EPHA5: variants seen among roughly 807,000 people sequenced by gnomAD.
The protein encoded by EPHA5 is ephrin type-A receptor 5.
In EPHA5, 60 loss-of-function variants were observed where a neutral mutation model predicts 105.0. The ratio of observed to expected loss-of-function variants is 0.57; its 90% CI spans 0.46 to 0.71. The LOEUF (loss-of-function observed/expected upper bound fraction) is 0.71. Ranked by LOEUF, EPHA5 falls within the 30% of genes least tolerant of loss-of-function variation. The probability of loss-of-function intolerance (pLI) is 0.00; values close to 1 mark genes in which losing one functional copy is unlikely to be tolerated. For missense variants in EPHA5, 1,218 were observed against 1,274.7 expected (o/e 0.96, Z 0.68); for synonymous variants, 513 against 449.1 (o/e 1.14, Z -1.80).
At chr4:65,483,430 C>T (rs1483254204) in intron 5 of EPHA5, among the ~76,000 whole-genome samples, 7 of 151,834 alleles carry the variant, frequency 4.6e-5, no homozygotes, top group Admixed American at 3.3e-4. Context: ...CCTGAGGAAT[C>T]GCCACACTGA....
intron 2 of EPHA5, among the ~76,000 whole-genome samples, chr4:65,609,098 C>T (rs1421813819): frequency 6.6e-6 from 1 of 152,070 alleles, no homozygotes; most frequent in Non-Finnish European, 1.5e-5. Context: ...GCAACAGAAG[C>T]ATCTCTATTT....
intron 1 of EPHA5, among the ~76,000 whole-genome samples, chr4:65,669,158 A>T (rs1383007616): frequency 6.6e-6 from 1 of 151,974 alleles, no homozygotes; most frequent in Non-Finnish European, 1.5e-5. Context: ...GATCCTTGTC[A>T]CTGAGCTTCC....
At chr4:65,360,855 C>G (rs1264414054) in intron 11 of EPHA5, among the ~76,000 whole-genome samples, 1 of 151,168 alleles carries the variant, frequency 6.6e-6, no homozygotes, top group Non-Finnish European at 1.5e-5. Flanking sequence ...ATGTGTCTGG[C>G]CCTTTGCTAG....
chr4:65,541,789 A>G (rs1421774626), intron 3 of EPHA5, among the ~76,000 whole-genome samples: 1 of 152,040 alleles, frequency 6.6e-6, no homozygotes, highest in Admixed American at 6.6e-5. Context: ...AACAGAATAT[A>G]CATTCTTCTC....
chr4:65,644,437 G>A (rs767653691), intron 1 of EPHA5, among the ~76,000 whole-genome samples: 39 of 152,030 alleles, frequency 2.6e-4, no homozygotes, highest in Non-Finnish European at 1.0e-4. Flanking sequence ...ATATGAACCT[G>A]AAAGGGAAAC....
intron 5 of EPHA5, among the ~76,000 whole-genome samples, chr4:65,458,958 G>A (rs968754032): frequency 6.6e-6 from 1 of 151,926 alleles, no homozygotes; most frequent in East Asian, 1.9e-4. Flanking sequence ...TTAATTTTAA[G>A]TGCTTAGTCA....
At position 65,570,557 on chromosome 4, in the gene EPHA5, A is replaced by G. The variant is rs1578450206; in HGVS notation, c.910+31084T>C. On this transcript the variant is annotated intron_variant, in intron 3 of 16. Transcript: ENST00000613740. ...ATCTTAGTCAGCTTTCTTTTCCAGA[A>G]TAGCCCTAATCAGCCATCAAAGTTT... 3.3e-5 allele frequency among the ~76,000 whole-genome samples: 5 copies of G among 151,876 alleles called. No individual in the cohort carries two copies. The East Asian group carries it at 9.7e-4, about 29-fold the overall frequency.
chr4:65,493,487 G>A lies in EPHA5; in HGVS notation c.1066+1901C>T, dbSNP rs987386460. Among the ~76,000 whole-genome samples, 10 of 152,084 alleles carry A rather than the reference G, an allele frequency of 6.6e-5. 1 individual carries two copies. The highest frequency in any genetic ancestry group is 2.6e-4 in the Admixed American group (4 of 15,262). ...ATCTTCATCTGAACATCTATCAGGC[G>A]ATAAGGAAATCATATGCAGTATTTG... On this transcript the variant is annotated intron_variant, in intron 4 of 16. Coordinates refer to ENST00000613740, the MANE Select transcript of EPHA5 (RefSeq NM_001281766.3).
In EPHA5 at chr4:65,583,886, A is replaced by G. The variant is rs1285751125; in HGVS notation, c.910+17755T>C. Among the ~76,000 whole-genome samples, 4 of 151,714 alleles carry G rather than the reference A, an allele frequency of 2.6e-5. No individual in the cohort carries two copies. In the Admixed American group the frequency reaches 2.6e-4, roughly 10 times the overall value. On this transcript the variant is annotated intron_variant, in intron 3 of 16. Transcript: ENST00000613740. ...TATATATATTCTTATTTGCGAATGT[A>G]TATACTGGTTCATTAAATTCATTAA...
At chr4:65,568,537 G>T (rs191999260) in intron 3 of EPHA5, among the ~76,000 whole-genome samples, 1 of 150,430 alleles carries the variant, frequency 6.6e-6, no homozygotes, top group Admixed American at 6.6e-5. Context: ...TAACAACAAC[G>T]CATCCCTTTT....
At chr4:65,622,819 AG>A (rs1190455588) in intron 2 of EPHA5, among the ~76,000 whole-genome samples, 3 of 152,062 alleles carry the variant, frequency 2.0e-5, no homozygotes, top group African/African-American at 7.2e-5. Flanking sequence ...GTCTCTTAGA[AG>A]GGACTTGGTC....
intron 3 of EPHA5, among the ~76,000 whole-genome samples, chr4:65,555,286 C>T (rs1019442600): frequency 4.6e-5 from 7 of 151,784 alleles, no homozygotes; most frequent in Non-Finnish European, 1.0e-4. Flanking sequence ...AAGAAATACC[C>T]GAGGGCTGTA....
intron 7 of EPHA5, among the ~76,000 whole-genome samples, chr4:65,409,037 T>C (rs1430287168): frequency 2.7e-5 from 4 of 148,346 alleles, no homozygotes; most frequent in Non-Finnish European, 6.0e-5. Context: ...CATGTCCTTT[T>C]TAGGGACATG....
chr4:65,388,578 G>A (rs1336464729), intron 8 of EPHA5, among the ~76,000 whole-genome samples: 2 of 151,852 alleles, frequency 1.3e-5, no homozygotes, highest in East Asian at 1.9e-4. Context: ...GTGATGATGA[G>A]TATTTTTTCA....
intron 3 of EPHA5, among the ~76,000 whole-genome samples, chr4:65,545,677 A>C (rs997387810): frequency 1.3e-5 from 2 of 151,956 alleles, no homozygotes; most frequent in African/African-American, 4.8e-5. Context: ...AAAGAGCAAA[A>C]TATTTTGAAC....
intron 3 of EPHA5, among the ~76,000 whole-genome samples, chr4:65,506,690 A>G (rs1473343948): frequency 6.7e-6 from 1 of 150,356 alleles, no homozygotes; most frequent in Non-Finnish European, 1.5e-5. Flanking sequence ...GTGTCTGTTC[A>G]TATCCTTCGC....
chr4:65,599,148 A>C (rs1743465111), intron 3 of EPHA5, among the ~76,000 whole-genome samples: 1 of 152,108 alleles, frequency 6.6e-6, no homozygotes, highest in Non-Finnish European at 1.5e-5. Context: ...AGATGATTTA[A>C]AGAGAAAGTT....
intron 5 of EPHA5, among the ~76,000 whole-genome samples, chr4:65,488,476 A>G (rs764465297): frequency 2.0e-5 from 3 of 152,194 alleles, no homozygotes; most frequent in African/African-American, 7.2e-5. Context: ...TTTTTCTAAC[A>G]TGGGAAGAGA....
rs149049534 is a variant in EPHA5 at position 65,404,149 on chromosome 4, T to C, written c.1793+225A>G. On this transcript the variant is annotated intron_variant, in intron 8 of 16. Coordinates refer to ENST00000613740, the MANE Select transcript of EPHA5 (RefSeq NM_001281766.3). ...AACCGAATAAACAATAACACATCAA[T>C]ACAGCTCTTGTGAAGAGAGCATACC... Among the ~76,000 whole-genome samples, 753 of 152,248 alleles carry C rather than the reference T, an allele frequency of 4.9e-3. 4 individuals carry two copies. Among genetic ancestry groups the C allele is most frequent in the African/African-American group, 0.017 (705 of 41,566 alleles).
Sources: gnomAD v4.1 joint callset for allele counts (sites outside exome capture counted in the v4.1 genomes callset) on GRCh38, gnomAD v4.1.1 for gene constraint, MANE v1.5 for transcripts, NCBI Gene and HGNC (gene_info 2026-07-23, HGNC 2026-07-21) for gene names.